PHACTR1: variants seen among roughly 807,000 people sequenced by gnomAD.
PHACTR1 encodes the protein phosphatase and actin regulator 1, also known as RPEL repeat containing 1.
In PHACTR1, 16 loss-of-function variants were observed where a neutral mutation model predicts 69.2. The ratio of observed to expected loss-of-function variants is 0.23; its 90% CI spans 0.16 to 0.35. The LOEUF (loss-of-function observed/expected upper bound fraction) is 0.35. Ranked by LOEUF, PHACTR1 falls within the 10% of genes least tolerant of loss-of-function variation. The pLI, the probability that PHACTR1 is intolerant of heterozygous loss-of-function variation, is 1.00. For synonymous variants in PHACTR1, 312 were observed against 284.5 expected, an observed-to-expected ratio of 1.10 and a Z score of -0.97; for missense variants, 510 against 734.7, an observed-to-expected ratio of 0.69 and a Z score of 3.54.
intron 4 of PHACTR1, among the ~76,000 whole-genome samples, chr6:12,924,258 G>A (rs1314896896): frequency 6.6e-6 from 1 of 152,216 alleles, no homozygotes; most frequent in South Asian, 2.1e-4. Context: ...ACAGATAAAC[G>A]TGTGTGTCCA....
At chr6:12,876,829 T>C (rs1382204013) in intron 4 of PHACTR1, among the ~76,000 whole-genome samples, 2 of 152,184 alleles carry the variant, frequency 1.3e-5, no homozygotes, top group Non-Finnish European at 2.9e-5. Flanking sequence ...AATTTGCATC[T>C]GTAAGCTGGA....
chr6:12,872,775 C>T lies in PHACTR1; in HGVS notation c.250+122985C>T, dbSNP rs145458739. 1.9e-3 allele frequency among the ~76,000 whole-genome samples: 294 copies of T among 152,236 alleles called. 1 individual carries two copies. The highest frequency in any genetic ancestry group is 3.4e-3 in the Middle Eastern group (1 of 294). On this transcript the variant is annotated intron_variant, in intron 4 of 14. Coordinates refer to ENST00000332995, the MANE Select transcript of PHACTR1 (RefSeq NM_030948.6). The stretch of plus-strand genomic sequence containing the variant: ...TAGACATGCTGCATACAGGTACATC[C>T]TCCTCAAGGGGGCAGGACCCAAATC...
chr6:13,188,495 G>T (rs1763100314), intron 7 of PHACTR1, among the ~76,000 whole-genome samples: 1 of 152,158 alleles, frequency 6.6e-6, no homozygotes, highest in African/African-American at 2.4e-5. Context: ...CAGGACAATT[G>T]AAAGACACCA....
At chr6:12,874,519 C>T (rs1447640847) in intron 4 of PHACTR1, among the ~76,000 whole-genome samples, 1 of 152,274 alleles carries the variant, frequency 6.6e-6, no homozygotes, top group East Asian at 1.9e-4. Context: ...CTAGGACTTG[C>T]CTCTATTCTT....
At chr6:13,281,014 A>G (rs765069308) in intron 12 of PHACTR1, 11 of 1,289,652 alleles carry the variant, frequency 8.5e-6, no homozygotes, top group Non-Finnish European at 1.1e-5. Context: ...AGCCAGCTGC[A>G]TCCTCGCTCA....
chr6:13,035,101 AC>A (rs568999999), intron 4 of PHACTR1, among the ~76,000 whole-genome samples: 52 of 152,242 alleles, frequency 3.4e-4, no homozygotes, highest in African/African-American at 1.2e-3. Flanking sequence ...TATTTGAGTT[AC>A]TCTTGGCTTT....
At chr6:13,008,638 A>AAAC (rs967573877) in intron 4 of PHACTR1, among the ~76,000 whole-genome samples, 13 of 152,182 alleles carry the variant, frequency 8.5e-5, no homozygotes, top group African/African-American at 2.2e-4. Flanking sequence ...AATACCCCCA[A>AAAC]AACAACAACA....
chr6:13,218,401 T>C (rs955917853), intron 8 of PHACTR1, among the ~76,000 whole-genome samples: 3 of 152,218 alleles, frequency 2.0e-5, no homozygotes, highest in Non-Finnish European at 4.4e-5. Flanking sequence ...TGACCCAGAC[T>C]CACTGTAGAT....
chr6:13,163,689 C>T (rs1025500877), intron 6 of PHACTR1, among the ~76,000 whole-genome samples: 2 of 152,178 alleles, frequency 1.3e-5, no homozygotes, highest in African/African-American at 4.8e-5. Flanking sequence ...CAGTTAGGAG[C>T]ATGAGCCCTG....
chr6:12,914,139 A>G lies in PHACTR1; in HGVS notation c.251-139226A>G, dbSNP rs529646495. 6.6e-5 allele frequency among the ~76,000 whole-genome samples: 10 copies of G among 152,076 alleles called. No homozygotes were observed. In the South Asian group the frequency reaches 8.3e-4, roughly 13 times the overall value. On this transcript the variant is annotated intron_variant, in intron 4 of 14. Transcript: ENST00000332995. ...ACAAGCCTCCCAGGTAGCTGGGATT[A>G]CAAGCACATGCCACCATGCCCAGCT...
At chr6:12,853,691 C>T (rs1419725933) in intron 4 of PHACTR1, among the ~76,000 whole-genome samples, 1 of 152,150 alleles carries the variant, frequency 6.6e-6, no homozygotes, top group African/African-American at 2.4e-5. Flanking sequence ...AATGAGTACC[C>T]GGTGAAGGGG....
rs140060925 is a variant in PHACTR1 at position 13,169,027 on chromosome 6, C to T, written c.496+8743C>T. ...GAATCAGGGATACCAGCTAGCTGAC[C>T]GTTGCTGGGATTCAGAGGATGTGAT... is the stretch of plus-strand genomic sequence containing the variant. On this transcript the variant is annotated intron_variant, in intron 6 of 14. Transcript: ENST00000332995. 2.6e-3 allele frequency among the ~76,000 whole-genome samples: 403 copies of T among 152,112 alleles called. 3 individuals are homozygous for T. Among genetic ancestry groups the T allele is most frequent in the African/African-American group, 9.3e-3 (386 of 41,490 alleles).
intron 4 of PHACTR1, among the ~76,000 whole-genome samples, chr6:12,920,843 G>A (rs1296054724): frequency 6.6e-6 from 1 of 152,160 alleles, no homozygotes; most frequent in East Asian, 1.9e-4. Context: ...TCAAGGGACT[G>A]GAAAATAGAA....
chr6:12,979,181 A>T (rs1042280647), intron 4 of PHACTR1, among the ~76,000 whole-genome samples: 8 of 152,032 alleles, frequency 5.3e-5, no homozygotes, highest in African/African-American at 1.9e-4. Context: ...GTCATATTTA[A>T]CCTTTCTTCA....
rs529838232 is a variant in PHACTR1, at chr6:13,262,952, C to G, written c.1392-9908C>G. ...ATCCAGACTTTAAAATCAAGGCCCTCAAAACAATAAGCAGTTGTAAATGCT... is the reference window on the plus strand; with the variant it reads ...ATCCAGACTTTAAAATCAAGGCCCTGAAAACAATAAGCAGTTGTAAATGCT... On this transcript the variant is annotated intron_variant, in intron 10 of 14. Coordinates refer to ENST00000332995, the MANE Select transcript of PHACTR1 (RefSeq NM_030948.6). Among the ~76,000 whole-genome samples, 19 of 152,270 alleles carry G rather than the reference C, an allele frequency of 1.2e-4. No individual in the cohort carries two copies. In the South Asian group the frequency reaches 3.7e-3, roughly 30 times the overall value.
chr6:13,242,035 C>CAAAAA (rs747990237), intron 10 of PHACTR1, among the ~76,000 whole-genome samples: 158 of 58,624 alleles, frequency 2.7e-3, no homozygotes, highest in African/African-American at 7.4e-3. Context: ...GATTCTGTCT[C>CAAAAA]AAAAAAAAAA....
At chr6:13,285,974 CTT>C (rs1411194850) in intron 13 of PHACTR1, among the ~76,000 whole-genome samples, 170 bp from the exon 14 acceptor site, 1 of 152,164 alleles carries the variant, frequency 6.6e-6, no homozygotes, top group Non-Finnish European at 1.5e-5. Flanking sequence ...GGAGGGGAAT[CTT>C]TGTTTTAAAG....
At chr6:12,862,809 C>A (rs184267057) in intron 4 of PHACTR1, among the ~76,000 whole-genome samples, 13 of 152,304 alleles carry the variant, frequency 8.5e-5, no homozygotes, top group African/African-American at 3.1e-4. Flanking sequence ...TTAATTACAG[C>A]AACCTACAAT....
At chr6:13,078,018 G>A (rs1220741638) in intron 5 of PHACTR1, among the ~76,000 whole-genome samples, 3 of 152,134 alleles carry the variant, frequency 2.0e-5, no homozygotes, top group Admixed American at 1.3e-4. Flanking sequence ...AGGATCCAGG[G>A]GTCCCCCATC....
Sources: allele counts gnomAD v4.1 joint callset (sites outside exome capture counted in the v4.1 genomes callset), GRCh38; gene constraint gnomAD v4.1.1; transcripts MANE v1.5; gene names NCBI Gene and HGNC (gene_info 2026-07-23, HGNC 2026-07-21).